The following HIVEP3 variants were observed in gnomAD, a reference collection of about 807,000 sequenced individuals.
HIVEP3 encodes HIVEP zinc finger 3, also known as transcription factor HIVEP3.
A neutral mutation model predicts 152.8 loss-of-function variants in HIVEP3; 49 were observed. The ratio of observed to expected loss-of-function variants is 0.32; its 90% CI spans 0.26 to 0.41. HIVEP3 has a LOEUF of 0.41. Ranked by LOEUF, HIVEP3 falls within the 10% of genes least tolerant of loss-of-function variation. The pLI is 1.00. For synonymous variants in HIVEP3, 1,269 were observed against 1,289.0 expected (o/e 0.98, Z 0.33); for missense variants, 2,790 against 3,103.3 (o/e 0.90, Z 2.40).
At chr1:41,989,933 A>C (rs1315006198) in intron 1 of HIVEP3, among the ~76,000 whole-genome samples, 1 of 126,998 alleles carries the variant, frequency 7.9e-6, no homozygotes, top group African/African-American at 3.1e-5. Flanking sequence ...TTTAAAGTTA[A>C]TATTGTTATG....
chr1:41,523,101 A>G (rs2492065), intron 6 of HIVEP3, among the ~76,000 whole-genome samples: 148,038 of 152,380 alleles, frequency 0.97, 71,939 homozygotes, highest in East Asian at 0.99. Context: ...TAAGTTTTCC[A>G]CTTTTAGAGT....
At chr1:41,782,940 C>T (rs888409593) in intron 1 of HIVEP3, among the ~76,000 whole-genome samples, 6 of 152,140 alleles carry the variant, frequency 3.9e-5, no homozygotes, top group Admixed American at 1.3e-4. Context: ...TCACTCCCCC[C>T]ACACTCCCTG....
At chr1:41,705,525 T>C (rs1158259851) in intron 1 of HIVEP3, among the ~76,000 whole-genome samples, 1 of 152,064 alleles carries the variant, frequency 6.6e-6, no homozygotes, top group East Asian at 1.9e-4. Context: ...GTGAGGAAGG[T>C]TAAGGAACAA....
At chr1:41,668,012 C>T (rs181420268) in intron 2 of HIVEP3, among the ~76,000 whole-genome samples, 1 of 152,186 alleles carries the variant, frequency 6.6e-6, no homozygotes, top group Admixed American at 6.5e-5. Flanking sequence ...TAAACAGCAA[C>T]AGGAATGACA....
chr1:41,983,109 T>C (rs1475398178), intron 1 of HIVEP3, among the ~76,000 whole-genome samples: 1 of 152,164 alleles, frequency 6.6e-6, no homozygotes, highest in African/African-American at 2.4e-5. Flanking sequence ...AATGCCCTGC[T>C]CATCTGACAG....
At chr1:41,855,632 G>C (rs1048670274) in intron 1 of HIVEP3, among the ~76,000 whole-genome samples, 1 of 152,048 alleles carries the variant, frequency 6.6e-6, no homozygotes, top group African/African-American at 2.4e-5. Context: ...GTCAAAAATC[G>C]ATCTTTTCCT....
rs527337940 is a variant in HIVEP3 at position 41,867,656 on chromosome 1, C to G, written c.-801+50757G>C. 3.9e-5 allele frequency among the ~76,000 whole-genome samples: 6 copies of G among 152,238 alleles called. No individual in the cohort carries two copies. The East Asian group carries it at 1.2e-3, about 29-fold the overall frequency. ...TGCTTAACCTTGGAAGCACAAGGCCCTGCTGGCCTCACCTCAAGGTCTCAC... is the reference window on the plus strand; with the variant it reads ...TGCTTAACCTTGGAAGCACAAGGCCGTGCTGGCCTCACCTCAAGGTCTCAC... On this transcript the variant is annotated intron_variant, in intron 1 of 8. Coordinates refer to ENST00000372583, the MANE Select transcript of HIVEP3 (RefSeq NM_024503.5).
rs36086247 is a variant in HIVEP3, at chr1:41,582,716, C to T, written c.2082G>A (p.Pro694=). ...EAEKSQIEHE[P]WSQMMHYKLG... ...GTTTGTAATGCATCATTTGGGACCA[C>T]GGCTCATGCTCAATCTGACTCTTTT... The change falls in exon 4 of 9, where the codon CCG becomes CCA. Residue 694 remains proline (P), a synonymous_variant. Transcript: ENST00000372583. This position sits in a 1 kb window ranked among gnomAD's most constrained non-coding sequence, Gnocchi z 4.7. 408 of 1,614,152 alleles carry T rather than the reference C, an allele frequency of 2.5e-4. 1 individual carries two copies. In the African/African-American group the frequency reaches 4.5e-3, roughly 18 times the overall value.
intron 3 of HIVEP3, among the ~76,000 whole-genome samples, chr1:41,602,148 T>C (rs34373107): frequency 0.043 from 6,580 of 152,104 alleles, 166 homozygotes; most frequent in East Asian, 0.098. Flanking sequence ...GATGTGCTAG[T>C]ATTTTGTTGA....
intron 2 of HIVEP3, among the ~76,000 whole-genome samples, chr1:41,680,951 A>G (rs1411350159): frequency 6.6e-6 from 1 of 152,230 alleles, no homozygotes; most frequent in Non-Finnish European, 1.5e-5. Context: ...TGGGCTGACC[A>G]TTTCACATTT....
rs536025295 is a variant in HIVEP3, at chr1:41,608,347, CCTT to C, written c.-522+20399_-522+20401del. On this transcript the variant is annotated intron_variant, in intron 3 of 8. Transcript: ENST00000372583. ...TTCACCCTGAGACGGAGCTGCCAATCCTTCTTCTGGCTCCCTGCCCCACATCCA... is the reference window on the plus strand; with the variant it reads ...TTCACCCTGAGACGGAGCTGCCAATCCTTCTGGCTCCCTGCCCCACATCCA... Among the ~76,000 whole-genome samples the C allele has an allele frequency of 6.9e-4, 105 of 152,328 alleles. 1 individual carries two copies. In the South Asian group the frequency reaches 0.021, roughly 31 times the overall value.
chr1:41,522,019 C>A (rs1642772275), intron 6 of HIVEP3, among the ~76,000 whole-genome samples: 1 of 152,254 alleles, frequency 6.6e-6, no homozygotes, highest in African/African-American at 2.4e-5. Flanking sequence ...GCCACGACGT[C>A]TGACACAAGA....
At position 41,513,584 on chromosome 1, in the gene HIVEP3, T is replaced by C; in HGVS notation, c.5637A>G (p.Ser1879=). The change falls in exon 8 of 9, where the codon TCA becomes TCG. Residue 1879 remains serine (S), a synonymous_variant. Transcript: ENST00000372583. The stretch of plus-strand genomic sequence containing the variant: ...GTGGTGGGCCAGGCGGGGGCGCCTC[T>C]GAGGATGGTCTGGACAGCTCATCCT... ...ESQDELSRPS[S]EAPPPGPPHA... 1.2e-6 allele frequency: 2 copies of C among 1,613,560 alleles called. No homozygotes were observed. Among genetic ancestry groups the C allele is most frequent in the Non-Finnish European group, 8.5e-7 (1 of 1,179,900 alleles).
At chr1:41,752,023 G>A (rs11210520) in intron 1 of HIVEP3, among the ~76,000 whole-genome samples, 124,762 of 152,098 alleles carry the variant, frequency 0.82, 54,686 homozygotes, top group Non-Finnish European at 0.98. Context: ...TGCTGGGGAG[G>A]TGATGGGTTC....
chr1:41,931,033 T>C (rs1442696746), intron 1 of HIVEP3, among the ~76,000 whole-genome samples: 2 of 152,004 alleles, frequency 1.3e-5, no homozygotes, highest in African/African-American at 2.4e-5. Flanking sequence ...CTTCATTACA[T>C]ATATGATTGC....
chr1:41,977,118 G>A (rs1212936884), intron 1 of HIVEP3, among the ~76,000 whole-genome samples: 1 of 152,170 alleles, frequency 6.6e-6, no homozygotes, highest in Admixed American at 6.5e-5. Context: ...GCTGAGTGGT[G>A]GGGAGAATGA....
At chr1:41,880,116 G>A (rs986423623) in intron 1 of HIVEP3, among the ~76,000 whole-genome samples, 1 of 152,146 alleles carries the variant, frequency 6.6e-6, no homozygotes, top group Non-Finnish European at 1.5e-5. Flanking sequence ...CTGGAGTGTA[G>A]TGGCGTGATC....
chr1:41,744,818 T>G (rs1647049006), intron 1 of HIVEP3, among the ~76,000 whole-genome samples: 1 of 152,036 alleles, frequency 6.6e-6, no homozygotes, highest in South Asian at 2.1e-4. Flanking sequence ...CACATACATA[T>G]CTAACCTGCC....
intron 1 of HIVEP3, among the ~76,000 whole-genome samples, chr1:42,026,075 G>GAA (rs5773758): frequency 7.3e-6 from 1 of 137,654 alleles, no homozygotes; most frequent in Non-Finnish European, 1.6e-5. Context: ...TCTCAAAAGA[G>GAA]AAAAAAAAAA....
Sources: allele counts gnomAD v4.1 joint callset (sites outside exome capture counted in the v4.1 genomes callset), GRCh38; gene constraint gnomAD v4.1.1; non-coding constraint Gnocchi (gnomAD v3.1); transcripts MANE v1.5; gene names NCBI Gene and HGNC (gene_info 2026-07-23, HGNC 2026-07-21).